Variants in ARL13B observed in about 807,000 individuals in gnomAD.
The protein encoded by ARL13B is ARF like GTPase 13B, also known as ADP-ribosylation factor-like protein 13B.
ARL13B carries 36 observed loss-of-function variants against 56.1 expected under a neutral mutation model. The observed-to-expected ratio is 0.64, with a 90% CI of 0.49 to 0.85. ARL13B has a LOEUF of 0.85. ARL13B is among the 40% of genes least tolerant of loss of function. ARL13B has a pLI of 0.00. For missense variants in ARL13B, 519 were observed against 507.1 expected (o/e 1.02, Z -0.23); for synonymous variants, 178 against 171.1 (o/e 1.04, Z -0.32).
chr3:94,022,000 A>G (rs2076459071), intron 3 of ARL13B, among the ~76,000 whole-genome samples: 1 of 152,046 alleles, frequency 6.6e-6, no homozygotes, highest in Admixed American at 6.5e-5. Context: ...CCCCTTTCCA[A>G]TTCTCCATTC....
intron 1 of ARL13B, among the ~76,000 whole-genome samples, chr3:93,981,331 G>A (rs572043502): frequency 6.6e-6 from 1 of 151,800 alleles, no homozygotes; most frequent in South Asian, 2.1e-4. Flanking sequence ...CATAGTTCTA[G>A]TCTGGAATTG....
intron 3 of ARL13B, among the ~76,000 whole-genome samples, chr3:94,017,738 G>A (rs1251091481): frequency 1.3e-5 from 2 of 152,164 alleles, no homozygotes; most frequent in Non-Finnish European, 2.9e-5. Context: ...TTTGAGATGT[G>A]AGACTGAATG....
At chr3:94,024,917 A>T (rs972059219) in intron 3 of ARL13B, among the ~76,000 whole-genome samples, 8 of 152,182 alleles carry the variant, frequency 5.3e-5, no homozygotes, top group Admixed American at 2.6e-4. Context: ...AAATAAAGTA[A>T]TCAAAAGCCT....
rs2076772343 is a variant in ARL13B, at chr3:94,036,600, ATTAAAAAAGGCCTTTATTGGC to A, written c.537_557del (p.Ile179_Leu186delinsMet). 2.5e-6 allele frequency: 4 copies of A among 1,614,040 alleles called. No homozygotes were observed. Among genetic ancestry groups the A allele is most frequent in the Non-Finnish European group, 3.4e-6 (4 of 1,180,034 alleles). ...GTATGGAAAGAAAATTGACAAGTCCATTAAAAAAGGCCTTTATTGGCTGCTACATGTTATTGCAAGAGACTT... is the reference window on the plus strand; with the variant it reads ...GTATGGAAAGAAAATTGACAAGTCCATGCTACATGTTATTGCAAGAGACTT... On this transcript the variant is annotated inframe_deletion, in exon 5 of 10. Transcript: ENST00000394222.
chr3:94,010,866 T>G (rs1257703338), intron 3 of ARL13B, among the ~76,000 whole-genome samples: 1 of 152,036 alleles, frequency 6.6e-6, no homozygotes, highest in Admixed American at 6.6e-5. Flanking sequence ...TACTTAATAT[T>G]ATCAGTTTTC....
chr3:94,027,090 C>A (rs759363235), intron 3 of ARL13B, among the ~76,000 whole-genome samples: 1 of 151,984 alleles, frequency 6.6e-6, no homozygotes, highest in Non-Finnish European at 1.5e-5. Flanking sequence ...TAGGCCATTT[C>A]TTTTCATAGT....
At chr3:94,026,864 AAAAG>A (rs1461531374) in intron 3 of ARL13B, among the ~76,000 whole-genome samples, 1 of 152,180 alleles carries the variant, frequency 6.6e-6, no homozygotes, top group East Asian at 1.9e-4. Flanking sequence ...TGATATTTAA[AAAAG>A]AAAGAACACT....
chr3:94,039,941 C>G lies in ARL13B; in HGVS notation c.751C>G (p.Pro251Ala). The G allele has an allele frequency of 6.2e-7, 1 of 1,614,036 alleles. No homozygotes were observed. The highest frequency in any genetic ancestry group is 1.3e-5 in the African/African-American group (1 of 75,028). Residue 251 changes from proline to alanine, a missense_variant, in exon 6 of 10, where the codon CCA (proline) becomes GCA (alanine). Physicochemically the swap from Pro to Ala is conservative, Grantham distance 27. Transcript: ENST00000394222. The stretch of plus-strand genomic sequence containing the variant: ...AACCAGTGGTCTGGCTGAGTTGGAC[C>G]CAGAACCAACGAATCCTTTCCAGCC... Reference protein sequence around the residue: ...DGTSGLAELDPEPTNPFQPIA... With the variant: ...DGTSGLAELDAEPTNPFQPIA...
intron 3 of ARL13B, among the ~76,000 whole-genome samples, chr3:94,029,338 ATTTTTTT>A (rs1272624458): frequency 0.025 from 1,500 of 58,996 alleles, 80 homozygotes; most frequent in African/African-American, 0.093. Context: ...ATATATATTT[ATTTTTTT>A]TTTATTTTTT....
At chr3:93,983,587 G>T (rs1190107714) in intron 1 of ARL13B, among the ~76,000 whole-genome samples, 1 of 152,104 alleles carries the variant, frequency 6.6e-6, no homozygotes, top group Admixed American at 6.6e-5. Flanking sequence ...AAAATCAAGA[G>T]TCATCGGTTT....
Position 94,054,438 on chromosome 3 carries a change from G to A in ARL13B, c.*1175G>A, listed in dbSNP as rs2077113229. 2.8e-6 allele frequency: 1 copy of A among 361,758 alleles called. No homozygotes were observed. The highest frequency in any genetic ancestry group is 5.4e-6 in the Non-Finnish European group (1 of 186,216). 22.4% of individuals were successfully genotyped at this position (361,758 alleles called of 1,614,324 possible). A position where few individuals can be genotyped will look rare whatever the true frequency, so the allele number is the denominator to read the frequency against. On this transcript the variant is annotated 3_prime_UTR_variant, in exon 10 of 10. Coordinates refer to ENST00000394222, the MANE Select transcript of ARL13B (RefSeq NM_001174150.2). ...TTGGCATTTAGACTAACTTCTAGAT[G>A]TATATTTTTAATAATAGATTCATAA... is the stretch of plus-strand genomic sequence containing the variant.
rs779056915 is a variant in ARL13B, at chr3:94,049,497, A to G, written c.1116A>G (p.Pro372=). Reference sequence around the variant, plus strand: ...TAGATGACTGTGCTCCTGAGAGTCCAACGCCACCCCCACCCCCTCCTCCTG... The same window carrying G: ...TAGATGACTGTGCTCCTGAGAGTCCGACGCCACCCCCACCCCCTCCTCCTG... ...LNIDDCAPES[P]TPPPPPPPVG... Residue 372 remains proline, a synonymous_variant, in exon 8 of 10, where the codon CCA becomes CCG. Transcript: ENST00000394222. The G allele has an allele frequency of 6.2e-7, 1 of 1,609,334 alleles. No individual in the cohort carries two copies. The highest frequency in any genetic ancestry group is 8.5e-7 in the Non-Finnish European group (1 of 1,176,958).
Position 94,029,339 on chromosome 3 carries a change from T to TC in ARL13B, c.381-5992_381-5991insC, listed in dbSNP as rs149199380. ...ATATATATATATATATATATATTTATTTTTTTTTTATTTTTTTTTTTTTTT... is the reference window on the plus strand; with the variant it reads ...ATATATATATATATATATATATTTATCTTTTTTTTTATTTTTTTTTTTTTTT... On this transcript the variant is annotated intron_variant, in intron 3 of 9. Coordinates refer to ENST00000394222, the MANE Select transcript of ARL13B (RefSeq NM_001174150.2). Among the ~76,000 whole-genome samples the TC allele has an allele frequency of 1.7e-4, 8 of 45,720 alleles. No individual in the cohort carries two copies. The East Asian group carries it at 3.2e-3, about 18-fold the overall frequency. The allele number at this position is 45,720 out of a possible 152,430, so 30.0% of individuals were successfully genotyped here. A position where few individuals can be genotyped will look rare whatever the true frequency, so the allele number is the denominator to read the frequency against.
intron 7 of ARL13B, among the ~76,000 whole-genome samples, chr3:94,048,746 C>A (rs1193326739): frequency 6.6e-6 from 1 of 151,778 alleles, no homozygotes; most frequent in Non-Finnish European, 1.5e-5. Flanking sequence ...CACATGAAAA[C>A]AAAGCCATGC....
intron 3 of ARL13B, among the ~76,000 whole-genome samples, chr3:94,028,777 C>T (rs541472023): frequency 1.3e-5 from 2 of 152,174 alleles, no homozygotes; most frequent in South Asian, 2.1e-4. Flanking sequence ...ATATATTATT[C>T]CAAGAAAATG....
intron 3 of ARL13B, among the ~76,000 whole-genome samples, chr3:94,034,603 C>G (rs893531349): frequency 6.6e-6 from 1 of 151,380 alleles, no homozygotes; most frequent in Admixed American, 6.6e-5. Context: ...CACATTCACA[C>G]ATTAGAATTG....
chr3:94,051,242 T>G (rs1267103060), intron 9 of ARL13B, among the ~76,000 whole-genome samples: 2 of 152,102 alleles, frequency 1.3e-5, no homozygotes. Flanking sequence ...TGTTAAAAGC[T>G]GTAGTTTCCT....
intron 7 of ARL13B, 87 bp from the exon 8 acceptor site, chr3:94,049,319 T>C (rs2077031212): frequency 2.7e-6 from 2 of 731,120 alleles, no homozygotes; most frequent in South Asian, 1.8e-5. Flanking sequence ...GTTAATAATA[T>C]CAGTATTCTT....
chr3:94,032,097 C>T (rs62265480), intron 3 of ARL13B, among the ~76,000 whole-genome samples: 29,323 of 152,058 alleles, frequency 0.19, 3,303 homozygotes, highest in Non-Finnish European at 0.25. Flanking sequence ...AAAACTTCTG[C>T]ACAGCAAAAG....
Sources: allele counts gnomAD v4.1 joint callset (sites outside exome capture counted in the v4.1 genomes callset), GRCh38; gene constraint gnomAD v4.1.1; transcripts MANE v1.5; gene names NCBI Gene and HGNC (gene_info 2026-07-23, HGNC 2026-07-21).